The following NRXN1 variants were observed in gnomAD, a reference collection of about 807,000 sequenced individuals.
NRXN1 encodes the protein neurexin 1.
In NRXN1, 39 loss-of-function variants were observed where a neutral mutation model predicts 150.9. The observed-to-expected ratio is 0.26, with a 90% CI of 0.20 to 0.34. The LOEUF is 0.34. NRXN1 is among the 10% of genes least tolerant of loss of function. The pLI, the probability that NRXN1 is intolerant of heterozygous loss-of-function variation, is 1.00. For missense variants in NRXN1, 1,815 were observed against 1,949.9 expected (o/e 0.93, Z 1.30); for synonymous variants, 924 against 757.0 (o/e 1.22, Z -3.62).
chr2:50,212,967 A>T (rs2063140588), intron 18 of NRXN1, among the ~76,000 whole-genome samples: 1 of 152,066 alleles, frequency 6.6e-6, no homozygotes, highest in African/African-American at 2.4e-5. Context: ...ACACTCATTA[A>T]AGTAGTAATA....
intron 22 of NRXN1, among the ~76,000 whole-genome samples, chr2:49,930,927 C>CA (rs756509162): frequency 3.0e-4 from 46 of 152,278 alleles, no homozygotes; most frequent in Middle Eastern, 6.8e-3. Context: ...GCCAGGTGTT[C>CA]AAGACCAGCC....
intron 18 of NRXN1, among the ~76,000 whole-genome samples, chr2:50,230,973 T>A (rs1031408065): frequency 2.3e-4 from 35 of 152,174 alleles, no homozygotes; most frequent in African/African-American, 8.2e-4. Flanking sequence ...ATTTAACCCA[T>A]CTTTTGAAAT....
At chr2:50,125,431 G>A (rs1474710588) in intron 18 of NRXN1, among the ~76,000 whole-genome samples, 1 of 151,934 alleles carries the variant, frequency 6.6e-6, no homozygotes, top group African/African-American at 2.4e-5. Context: ...TACACATCTG[G>A]CTTTGTACCA....
intron 20 of NRXN1, 40 bp from the exon 21 acceptor site, chr2:50,053,630 G>T: frequency 6.3e-7 from 1 of 1,588,188 alleles, no homozygotes; most frequent in Non-Finnish European, 8.6e-7. Flanking sequence ...AATGTTGATT[G>T]TGAACTCTAT....
At position 49,920,373 on chromosome 2, in the gene NRXN1, T is replaced by TAGAA. The variant is rs942696276; in HGVS notation, c.*1567_*1570dup. 1 of 152,580 alleles carries TAGAA rather than the reference T, an allele frequency of 6.6e-6. No homozygotes were observed. The highest frequency in any genetic ancestry group is 1.5e-5 in the Non-Finnish European group (1 of 68,036). 9.5% of individuals were successfully genotyped at this position (152,580 alleles called of 1,614,324 possible). A position where few individuals can be genotyped will look rare whatever the true frequency, so the allele number is the denominator to read the frequency against. ...TTCAGAGATATATATATTATTTTAT[T>TAGAA]AGAAAGAAAGTTTTCAATTGCAGCA... On this transcript the variant is annotated 3_prime_UTR_variant, in exon 23 of 23. Coordinates refer to ENST00000401669, the MANE Select transcript of NRXN1 (RefSeq NM_001330078.2).
At chr2:50,612,613 A>AC (rs1226927093) in intron 8 of NRXN1, among the ~76,000 whole-genome samples, 1 of 152,160 alleles carries the variant, frequency 6.6e-6, no homozygotes, top group African/African-American at 2.4e-5. Flanking sequence ...TGACTCCCTT[A>AC]CCCCTTCAGC....
At chr2:50,487,822 A>G (rs2090985679) in intron 15 of NRXN1, among the ~76,000 whole-genome samples, 1 of 152,210 alleles carries the variant, frequency 6.6e-6, no homozygotes, top group Admixed American at 6.5e-5. Flanking sequence ...TGTCCATTAC[A>G]GATCTAGATG....
chr2:50,176,078 G>C (rs1469829481), intron 18 of NRXN1, among the ~76,000 whole-genome samples: 1 of 152,088 alleles, frequency 6.6e-6, no homozygotes, highest in Non-Finnish European at 1.5e-5. Context: ...GGATGGAAAA[G>C]CTATGACTTC....
At chr2:50,638,662 G>C (rs536603607) in intron 5 of NRXN1, among the ~76,000 whole-genome samples, 17 of 152,126 alleles carry the variant, frequency 1.1e-4, no homozygotes, top group South Asian at 4.1e-4. Context: ...TTTTGTTGTT[G>C]TTTTCTTTTC....
intron 18 of NRXN1, among the ~76,000 whole-genome samples, chr2:50,211,893 C>G (rs149249257): frequency 1.3e-5 from 2 of 151,630 alleles, no homozygotes; most frequent in East Asian, 3.9e-4. Context: ...TCATTTAATA[C>G]ATATAATTGA....
intron 18 of NRXN1, among the ~76,000 whole-genome samples, chr2:50,130,611 T>G (rs888955817): frequency 1.1e-4 from 16 of 152,164 alleles, no homozygotes; most frequent in African/African-American, 3.9e-4. Flanking sequence ...AAGAAAAACA[T>G]GCAAACAAAC....
intron 17 of NRXN1, among the ~76,000 whole-genome samples, chr2:50,305,827 A>G (rs2074562524): frequency 6.6e-6 from 1 of 152,238 alleles, no homozygotes; most frequent in South Asian, 2.1e-4. Context: ...TGGGAGTTAT[A>G]AAGAAGGTAA....
chr2:49,935,988 C>T (rs1670958852), intron 22 of NRXN1, among the ~76,000 whole-genome samples: 1 of 152,130 alleles, frequency 6.6e-6, no homozygotes, highest in African/African-American at 2.4e-5. Context: ...TGTTAAAAGG[C>T]TATTATATTT....
At chr2:50,255,281 T>C (rs1247520741) in intron 17 of NRXN1, among the ~76,000 whole-genome samples, 1 of 152,086 alleles carries the variant, frequency 6.6e-6, no homozygotes, top group Non-Finnish European at 1.5e-5. Flanking sequence ...ACAAAGGAAA[T>C]GGATTTTCAA....
intron 17 of NRXN1, among the ~76,000 whole-genome samples, chr2:50,272,210 C>T (rs1416228491): frequency 6.6e-6 from 1 of 152,172 alleles, no homozygotes; most frequent in Admixed American, 6.6e-5. Context: ...AGTTCTGTAA[C>T]TCTCCATTTT....
At chr2:50,212,284 T>C (rs1451888948) in intron 18 of NRXN1, among the ~76,000 whole-genome samples, 1 of 142,602 alleles carries the variant, frequency 7.0e-6, no homozygotes, top group Non-Finnish European at 1.5e-5. Context: ...GTGAAAAAAA[T>C]ATGCTTTGAA....
At chr2:50,082,915 A>T (rs531387538) in intron 19 of NRXN1, among the ~76,000 whole-genome samples, 2 of 152,332 alleles carry the variant, frequency 1.3e-5, no homozygotes, top group African/African-American at 4.8e-5. Context: ...GTATCTGAAG[A>T]AATTAATTTC....
chr2:50,696,182 G>A (rs1340094097), intron 5 of NRXN1: 1 of 70,432 alleles, frequency 1.4e-5, no homozygotes, highest in African/African-American at 4.6e-5. Flanking sequence ...ATACGTGTGT[G>A]TGTGTGTGTG....
chr2:50,281,602 T>C (rs1391105015), intron 17 of NRXN1, among the ~76,000 whole-genome samples: 1 of 152,122 alleles, frequency 6.6e-6, no homozygotes, highest in Non-Finnish European at 1.5e-5. Flanking sequence ...GATAAAGATG[T>C]GTTCCTGGTC....
Sources: allele counts gnomAD v4.1 joint callset (sites outside exome capture counted in the v4.1 genomes callset), GRCh38; gene constraint gnomAD v4.1.1; transcripts MANE v1.5; gene names NCBI Gene and HGNC (gene_info 2026-07-23, HGNC 2026-07-21).